The following CTNNA2 variants were observed in gnomAD, a reference collection of about 807,000 sequenced individuals.
CTNNA2 encodes the protein catenin alpha 2, also known as catenin alpha-2.
CTNNA2 carries 42 observed loss-of-function variants against 101.0 expected under a neutral mutation model. The ratio of observed to expected loss-of-function variants is 0.42; its 90% CI spans 0.32 to 0.54. The LOEUF is 0.54. Among genes scored for constraint, CTNNA2 ranks in the 20% least tolerant of loss-of-function variants. The probability of loss-of-function intolerance (pLI) is 0.14; values close to 1 mark genes in which losing one functional copy is unlikely to be tolerated. For missense variants in CTNNA2, 871 were observed against 1,223.1 expected (o/e 0.71, Z 4.29); for synonymous variants, 450 against 456.4 (o/e 0.99, Z 0.18).
chr2:80,453,572 C>G (rs1314869539), intron 9 of CTNNA2, among the ~76,000 whole-genome samples: 2 of 151,992 alleles, frequency 1.3e-5, no homozygotes, highest in Non-Finnish European at 2.9e-5. Context: ...GTTAAAAAAA[C>G]AAACAAAATA....
chr2:79,797,262 A>G (rs1339541686), intron 3 of CTNNA2, among the ~76,000 whole-genome samples: 2 of 152,148 alleles, frequency 1.3e-5, no homozygotes, highest in Non-Finnish European at 2.9e-5. Flanking sequence ...AATGGAAGAT[A>G]TGGAGATCAC....
At chr2:79,517,819 A>G (rs889384817) in intron 1 of CTNNA2, among the ~76,000 whole-genome samples, 3 of 152,188 alleles carry the variant, frequency 2.0e-5, no homozygotes, top group Non-Finnish European at 4.4e-5. Flanking sequence ...TTACTATTGA[A>G]CACTATTTTA....
intron 9 of CTNNA2, among the ~76,000 whole-genome samples, chr2:80,529,096 A>T (rs1690294345): frequency 6.6e-6 from 1 of 152,196 alleles, no homozygotes; most frequent in African/African-American, 2.4e-5. Context: ...GGGGCAACTC[A>T]TGTCCTGGTG....
At chr2:79,401,700 A>G (rs947386571) in intron 4 of CTNNA2, among the ~76,000 whole-genome samples, 15 of 151,838 alleles carry the variant, frequency 9.9e-5, no homozygotes, top group South Asian at 6.2e-4. Context: ...AAAAACTAAA[A>G]AAAACCCAGA....
chr2:80,625,379 G>A (rs1300403939), intron 18 of CTNNA2, among the ~76,000 whole-genome samples: 4 of 151,996 alleles, frequency 2.6e-5, no homozygotes, highest in African/African-American at 9.6e-5. Flanking sequence ...ATTGTGCTCT[G>A]GAGGAAATAC....
rs770253093 is a variant in CTNNA2, at chr2:80,302,965, C to T, written c.1057-90246C>T. On this transcript the variant is annotated intron_variant, in intron 7 of 18. Coordinates refer to ENST00000402739, the MANE Select transcript of CTNNA2 (RefSeq NM_001282597.3). The surrounding 1 kb of genome is among the most constrained non-coding windows in gnomAD (Gnocchi z 6.4). ...AGGTGAGGCGGTTGGAGTCCAGCTGCAGGGACTGCAGGTGCGGCACGGTCT... is the reference window on the plus strand; with the variant it reads ...AGGTGAGGCGGTTGGAGTCCAGCTGTAGGGACTGCAGGTGCGGCACGGTCT... The T allele has an allele frequency of 1.2e-6, 2 of 1,613,214 alleles. No individual in the cohort carries two copies. The highest frequency in any genetic ancestry group is 1.7e-6 in the Non-Finnish European group (2 of 1,179,918).
chr2:79,578,254 T>C (rs898880805), intron 1 of CTNNA2, among the ~76,000 whole-genome samples: 16 of 152,204 alleles, frequency 1.1e-4, no homozygotes, highest in Non-Finnish European at 2.2e-4. Context: ...TTTTTTAATA[T>C]GTAGAATTTC....
At chr2:79,873,391 C>T (rs1682741635) in intron 5 of CTNNA2, among the ~76,000 whole-genome samples, 1 of 152,002 alleles carries the variant, frequency 6.6e-6, no homozygotes. Flanking sequence ...ACTAGGGCTC[C>T]CTGCTGTCAT....
chr2:79,242,723 C>T lies in CTNNA2; in HGVS notation c.-406+44647C>T, dbSNP rs112902219. 8.5e-3 allele frequency among the ~76,000 whole-genome samples: 1,295 copies of T among 151,968 alleles called. 17 individuals are homozygous for T. Among genetic ancestry groups the T allele is most frequent in the African/African-American group, 0.03 (1,250 of 41,440 alleles). The stretch of plus-strand genomic sequence containing the variant: ...TGGCTCACGCCTATAATCTCAGCAC[C>T]GTGGGAGGAGAATATGGGAGAACTG... On this transcript the variant is annotated intron_variant, in intron 2 of 21. Coordinates refer to the CTNNA2 transcript ENST00000466387.
At chr2:79,482,857 A>T (rs1048765316) in intron 4 of CTNNA2, among the ~76,000 whole-genome samples, 1 of 152,162 alleles carries the variant, frequency 6.6e-6, no homozygotes, top group Admixed American at 6.6e-5. Context: ...GTCTGAAGAT[A>T]GTTTTGGTGG....
At chr2:79,808,577 G>A (rs1374660325) in intron 3 of CTNNA2, among the ~76,000 whole-genome samples, 2 of 151,882 alleles carry the variant, frequency 1.3e-5, no homozygotes, top group African/African-American at 4.8e-5. Context: ...TATAAAGTCC[G>A]GTTTGTCAAT....
chr2:79,570,978 T>C (rs999946947), intron 1 of CTNNA2, among the ~76,000 whole-genome samples: 4 of 152,188 alleles, frequency 2.6e-5, no homozygotes, highest in African/African-American at 9.7e-5. Flanking sequence ...TGTGCCTGTG[T>C]GGCTTCTTGA....
At chr2:79,831,523 C>G (rs563671915) in intron 3 of CTNNA2, among the ~76,000 whole-genome samples, 1 of 152,054 alleles carries the variant, frequency 6.6e-6, no homozygotes, top group Non-Finnish European at 1.5e-5. Flanking sequence ...GCTTAAGAAT[C>G]ATTGACTCCT....
At chr2:80,262,168 A>G (rs561666623) in intron 7 of CTNNA2, among the ~76,000 whole-genome samples, 3 of 152,154 alleles carry the variant, frequency 2.0e-5, no homozygotes, top group Non-Finnish European at 4.4e-5. Context: ...GCCTGTTCAT[A>G]TGTATATGAA....
intron 7 of CTNNA2, among the ~76,000 whole-genome samples, chr2:80,110,515 G>A (rs1396316536): frequency 6.6e-6 from 1 of 152,106 alleles, no homozygotes; most frequent in African/African-American, 2.4e-5. Context: ...CTCAATAAAT[G>A]CTATGAGAAT....
chr2:80,536,207 T>G (rs1449735299), intron 9 of CTNNA2, among the ~76,000 whole-genome samples: 6 of 152,174 alleles, frequency 3.9e-5, no homozygotes, highest in Non-Finnish European at 8.8e-5. Context: ...GATAAATGAA[T>G]AAACCTTCAG....
chr2:80,487,824 A>C (rs1049400992), intron 9 of CTNNA2, among the ~76,000 whole-genome samples: 1 of 152,208 alleles, frequency 6.6e-6, no homozygotes, highest in African/African-American at 2.4e-5. Context: ...CTTAGACGCC[A>C]AACTAAGGCT....
intron 7 of CTNNA2, among the ~76,000 whole-genome samples, chr2:79,976,652 A>G (rs1184297653): frequency 6.6e-6 from 1 of 152,200 alleles, no homozygotes; most frequent in Non-Finnish European, 1.5e-5. Flanking sequence ...CCTCACAGTG[A>G]CCTGAAAGGT....
At chr2:80,206,584 T>C (rs1466645865) in intron 7 of CTNNA2, among the ~76,000 whole-genome samples, 24 of 152,154 alleles carry the variant, frequency 1.6e-4, no homozygotes. Context: ...TATCTACATA[T>C]AGTGCGGGCA....
Sources: gnomAD v4.1 joint callset for allele counts (sites outside exome capture counted in the v4.1 genomes callset) on GRCh38, gnomAD v4.1.1 for gene constraint, Gnocchi (gnomAD v3.1) non-coding constraint, MANE v1.5 for transcripts, NCBI Gene and HGNC (gene_info 2026-07-23, HGNC 2026-07-21) for gene names.